Variants in MEI4 observed in about 807,000 individuals in gnomAD.
MEI4 encodes meiosis-specific protein MEI4.
MEI4 carries 27 observed loss-of-function variants against 31.4 expected under a neutral mutation model. The ratio of observed to expected loss-of-function variants is 0.86; its 90% CI spans 0.63 to 1.19. The LOEUF (loss-of-function observed/expected upper bound fraction) is 1.19, where lower values mean the gene tolerates loss of function less well. MEI4 is among the 50% of genes most tolerant of loss of function. The pLI, the probability that MEI4 is intolerant of heterozygous loss-of-function variation, is 0.00. For synonymous variants in MEI4, 122 were observed against 145.4 expected, an observed-to-expected ratio of 0.84 and a Z score of 1.16; for missense variants, 329 against 398.9, an observed-to-expected ratio of 0.82 and a Z score of 1.49.
intron 2 of MEI4, among the ~76,000 whole-genome samples, chr6:77,706,520 A>C (rs1766336727): frequency 6.6e-6 from 1 of 152,160 alleles, no homozygotes; most frequent in African/African-American, 2.4e-5. Flanking sequence ...TATCAAGTAA[A>C]ATTTTGATTA....
At chr6:77,698,875 T>C (rs1018061145) in intron 2 of MEI4, among the ~76,000 whole-genome samples, 16 of 152,198 alleles carry the variant, frequency 1.1e-4, no homozygotes, top group Non-Finnish European at 1.0e-4. Flanking sequence ...TCCAACTTGG[T>C]TCCATTCTCC....
At chr6:77,703,221 A>G (rs1361026305) in intron 2 of MEI4, among the ~76,000 whole-genome samples, 1 of 152,198 alleles carries the variant, frequency 6.6e-6, no homozygotes, top group African/African-American at 2.4e-5. Flanking sequence ...TTGGAACAAA[A>G]TGGCCTTGCC....
intron 2 of MEI4, among the ~76,000 whole-genome samples, chr6:77,728,589 G>A (rs1766887365): frequency 6.6e-6 from 1 of 152,210 alleles, no homozygotes; most frequent in Admixed American, 6.5e-5. Flanking sequence ...AACAAAATAA[G>A]CCAGATTGAA....
chr6:77,898,068 C>A (rs1448921347), intron 4 of MEI4, among the ~76,000 whole-genome samples: 1 of 151,946 alleles, frequency 6.6e-6, no homozygotes, highest in Admixed American at 6.6e-5. Context: ...TTTTTTGACT[C>A]TGTTCTTGAG....
At chr6:77,920,543 G>A (rs368205267) in intron 4 of MEI4, among the ~76,000 whole-genome samples, 1 of 151,726 alleles carries the variant, frequency 6.6e-6, no homozygotes, top group Non-Finnish European at 1.5e-5. Context: ...TTGATATTTT[G>A]TATTTCTTTC....
chr6:77,731,912 A>C (rs1767007086), intron 2 of MEI4, among the ~76,000 whole-genome samples: 1 of 151,442 alleles, frequency 6.6e-6, no homozygotes. Flanking sequence ...TGTTTTTGTC[A>C]GGTTTGTCAA....
intron 4 of MEI4, among the ~76,000 whole-genome samples, chr6:77,897,135 A>T (rs1204355018): frequency 2.0e-5 from 3 of 152,008 alleles, no homozygotes; most frequent in Non-Finnish European, 4.4e-5. Flanking sequence ...CTAGTAAATG[A>T]CTGAACTGGG....
chr6:77,760,435 CTTAACA>C lies in MEI4; in HGVS notation c.233-693_233-688del, dbSNP rs571793702. 7.5e-3 allele frequency among the ~76,000 whole-genome samples: 1,143 copies of C among 152,154 alleles called. 7 individuals are homozygous for C. The highest frequency in any genetic ancestry group is 0.011 in the Non-Finnish European group (721 of 67,986). ...CTCTACACTTTACAGGATGAAGGTT[CTTAACA>C]TGTCTTATATTATCTTTTATGATCT... On this transcript the variant is annotated intron_variant, in intron 2 of 4. Transcript: ENST00000684080.
chr6:77,894,073 G>A (rs192743503), intron 4 of MEI4, among the ~76,000 whole-genome samples: 1 of 152,202 alleles, frequency 6.6e-6, no homozygotes, highest in African/African-American at 2.4e-5. Flanking sequence ...TCAGGCACCA[G>A]AATTATAGTT....
rs1023584425 is a variant in MEI4 at position 77,923,614 on chromosome 6, T to TATTA, written c.*269_*272dup. Reference sequence around the variant, plus strand: ...TATTTCACTCAATATAGTTTAGCTCTATTATTCTGTAAAATGGACCATTAA... The same window carrying TATTA: ...TATTTCACTCAATATAGTTTAGCTCTATTAATTATTCTGTAAAATGGACCATTAA... On this transcript the variant is annotated 3_prime_UTR_variant, in exon 5 of 5. Transcript: ENST00000684080. 6 of 221,532 alleles carry TATTA rather than the reference T, an allele frequency of 2.7e-5. No homozygotes were observed. Among genetic ancestry groups the TATTA allele is most frequent in the Middle Eastern group, 1.4e-3 (1 of 712 alleles). 13.7% of individuals were successfully genotyped at this position (221,532 alleles called of 1,614,324 possible).
At chr6:77,745,718 A>C (rs1767580021) in intron 2 of MEI4, among the ~76,000 whole-genome samples, 1 of 152,176 alleles carries the variant, frequency 6.6e-6, no homozygotes, top group African/African-American at 2.4e-5. Flanking sequence ...ACATACTGGG[A>C]AGTAAAGCAC....
At chr6:77,680,797 A>G (rs1245059021) in intron 1 of MEI4, among the ~76,000 whole-genome samples, 6 of 152,190 alleles carry the variant, frequency 3.9e-5, no homozygotes, top group African/African-American at 1.4e-4. Context: ...GCCATGACAC[A>G]CTGTCAGTTG....
chr6:77,892,592 G>T (rs1401743605), intron 4 of MEI4, among the ~76,000 whole-genome samples: 1 of 152,080 alleles, frequency 6.6e-6, no homozygotes, highest in Non-Finnish European at 1.5e-5. Flanking sequence ...GTCTCAAGCA[G>T]GTGGCTCTCA....
intron 1 of MEI4, among the ~76,000 whole-genome samples, chr6:77,664,269 T>G (rs1191829122): frequency 1.3e-5 from 2 of 152,184 alleles, no homozygotes; most frequent in Non-Finnish European, 1.5e-5. Context: ...AAATGTATAT[T>G]GAGAATAAGA....
chr6:77,897,836 C>A (rs1446641435), intron 4 of MEI4, among the ~76,000 whole-genome samples: 2 of 151,904 alleles, frequency 1.3e-5, no homozygotes, highest in African/African-American at 4.8e-5. Flanking sequence ...TGTACCCTGC[C>A]TTACAATTCA....
intron 3 of MEI4, among the ~76,000 whole-genome samples, chr6:77,801,047 G>T (rs545280461): frequency 2.0e-5 from 3 of 152,236 alleles, no homozygotes; most frequent in South Asian, 4.1e-4. Flanking sequence ...CTATTGATTG[G>T]AATAATTTCA....
chr6:77,871,580 C>T (rs886607493), intron 4 of MEI4, among the ~76,000 whole-genome samples: 1 of 152,028 alleles, frequency 6.6e-6, no homozygotes, highest in Non-Finnish European at 1.5e-5. Flanking sequence ...GGCTGAAAAA[C>T]TATCTATTGG....
chr6:77,736,447 A>T (rs1767232040), intron 2 of MEI4, among the ~76,000 whole-genome samples: 2 of 151,900 alleles, frequency 1.3e-5, no homozygotes, highest in Admixed American at 6.6e-5. Flanking sequence ...GAACTCCCTG[A>T]CCCCTTGTGC....
At chr6:77,828,533 A>G (rs1271103940) in intron 3 of MEI4, among the ~76,000 whole-genome samples, 4 of 152,086 alleles carry the variant, frequency 2.6e-5, no homozygotes, top group Admixed American at 2.6e-4. Flanking sequence ...ATTGTCTTCC[A>G]CAAAACTGGT....
Sources: gnomAD v4.1 joint callset for allele counts (sites outside exome capture counted in the v4.1 genomes callset) on GRCh38, gnomAD v4.1.1 for gene constraint, MANE v1.5 for transcripts, NCBI Gene and HGNC (gene_info 2026-07-23, HGNC 2026-07-21) for gene names.